The following CDH18 variants were observed in gnomAD, a reference collection of about 807,000 sequenced individuals.
CDH18 encodes the protein cadherin 18, also known as cadherin-18.
In CDH18, 31 loss-of-function variants were observed where a neutral mutation model predicts 67.9. That is an observed-to-expected ratio of 0.46 (90% confidence interval 0.34 to 0.62). The LOEUF (loss-of-function observed/expected upper bound fraction) is 0.62, where lower values mean the gene tolerates loss of function less well. Ranked by LOEUF, CDH18 falls within the 20% of genes least tolerant of loss-of-function variation. The pLI is 0.01. For missense variants in CDH18, 890 were observed against 975.5 expected (o/e 0.91, Z 1.17); for synonymous variants, 362 against 347.2 (o/e 1.04, Z -0.48).
chr5:20,156,662 A>G (rs369214516), intron 2 of CDH18, among the ~76,000 whole-genome samples: 1 of 152,094 alleles, frequency 6.6e-6, no homozygotes, highest in South Asian at 2.1e-4. Flanking sequence ...CAGAGACTTC[A>G]CCACTAAACA....
At chr5:19,577,442 T>C (rs1210982482) in intron 7 of CDH18, among the ~76,000 whole-genome samples, 1 of 152,156 alleles carries the variant, frequency 6.6e-6, no homozygotes, top group East Asian at 1.9e-4. Context: ...TCTTCCATTT[T>C]CCCCCTGTTG....
chr5:19,955,327 A>G (rs1275259279), intron 2 of CDH18, among the ~76,000 whole-genome samples: 1 of 152,134 alleles, frequency 6.6e-6, no homozygotes, highest in African/African-American at 2.4e-5. Flanking sequence ...AATAGCATCA[A>G]ATATGATGGT....
chr5:19,534,982 T>C (rs2127010040), intron 9 of CDH18, among the ~76,000 whole-genome samples: 1 of 152,224 alleles, frequency 6.6e-6, no homozygotes, highest in East Asian at 1.9e-4. Flanking sequence ...ACTTGCTAGT[T>C]ATGTAAGTGA....
At chr5:20,079,150 A>T (rs1011415584) in intron 2 of CDH18, among the ~76,000 whole-genome samples, 2 of 152,104 alleles carry the variant, frequency 1.3e-5, no homozygotes, top group South Asian at 4.1e-4. Context: ...GCAATAGAAC[A>T]CCAGAACTTA....
At chr5:20,301,454 G>A (rs1194115335) in intron 1 of CDH18, among the ~76,000 whole-genome samples, 1 of 152,140 alleles carries the variant, frequency 6.6e-6, no homozygotes, top group Non-Finnish European at 1.5e-5. Flanking sequence ...TACTGGTTGA[G>A]AACATACAGT....
At chr5:20,159,239 T>A (rs1008155740) in intron 2 of CDH18, among the ~76,000 whole-genome samples, 1 of 152,178 alleles carries the variant, frequency 6.6e-6, no homozygotes, top group African/African-American at 2.4e-5. Context: ...CACTAATGTC[T>A]AAAAAGAAAT....
intron 2 of CDH18, among the ~76,000 whole-genome samples, chr5:19,887,379 C>T (rs1788324300): frequency 6.6e-6 from 1 of 151,872 alleles, no homozygotes. Context: ...GATATATCTC[C>T]TGTGCTTTAT....
At chr5:19,496,497 G>A (rs548696256) in intron 11 of CDH18, among the ~76,000 whole-genome samples, 27 of 152,264 alleles carry the variant, frequency 1.8e-4, no homozygotes, top group Non-Finnish European at 3.1e-4. Context: ...CCAGTCCCAT[G>A]AAGGAATTAA....
At chr5:20,025,060 G>A (rs1002790661) in intron 2 of CDH18, among the ~76,000 whole-genome samples, 4 of 152,098 alleles carry the variant, frequency 2.6e-5, no homozygotes, top group Admixed American at 6.5e-5. Context: ...ATCCTTGAAC[G>A]TTCTGTTCCT....
intron 1 of CDH18, among the ~76,000 whole-genome samples, chr5:20,376,091 A>ATTTTTTTTTTTTT (rs562655039): frequency 0.079 from 3,919 of 49,536 alleles, 1,476 homozygotes; most frequent in South Asian, 0.2. Context: ...AAAAGAAACA[A>ATTTTTTTTTTTTT]TTTTTTTTTT....
chr5:19,924,290 A>AT (rs141383295), intron 2 of CDH18, among the ~76,000 whole-genome samples: 2,342 of 152,116 alleles, frequency 0.015, 56 homozygotes, highest in African/African-American at 0.051. Context: ...GCCACTCTCT[A>AT]TTTTTTTAAG....
intron 12 of CDH18, among the ~76,000 whole-genome samples, chr5:19,479,459 CTAGA>C (rs1268056760): frequency 3.3e-5 from 5 of 152,046 alleles, no homozygotes; most frequent in Non-Finnish European, 5.9e-5. Context: ...TATCCCTTGG[CTAGA>C]TACTTTCTGA....
intron 8 of CDH18, among the ~76,000 whole-genome samples, chr5:19,544,429 A>G (rs966330197): frequency 6.6e-6 from 1 of 152,178 alleles, no homozygotes. Flanking sequence ...TTGAAATTTC[A>G]TTGTAGCTAA....
At chr5:19,978,589 C>A (rs1798725297) in intron 2 of CDH18, among the ~76,000 whole-genome samples, 1 of 152,086 alleles carries the variant, frequency 6.6e-6, no homozygotes, top group Admixed American at 6.6e-5. Context: ...TGACATAAGT[C>A]TCAACTGAGC....
chr5:20,570,126 A>G lies in CDH18; in HGVS notation c.-580+5336T>C, dbSNP rs138243652. ...GATATACCTTATTATATGTTTGTCA[A>G]AATTTATATAATATACATTACAGAG... is the stretch of plus-strand genomic sequence containing the variant. On this transcript the variant is annotated intron_variant, in intron 1 of 14. Transcript: ENST00000507958. 4.4e-3 allele frequency among the ~76,000 whole-genome samples: 670 copies of G among 152,304 alleles called. 3 individuals are homozygous for G. Among genetic ancestry groups the G allele is most frequent in the African/African-American group, 0.015 (631 of 41,574 alleles).
intron 1 of CDH18, among the ~76,000 whole-genome samples, chr5:20,480,729 C>G (rs1334682428): frequency 6.6e-6 from 1 of 152,084 alleles, no homozygotes; most frequent in Non-Finnish European, 1.5e-5. Context: ...TTAGTTTTTG[C>G]TCGCTTGTAA....
At chr5:19,845,075 T>C (rs560449302) in intron 2 of CDH18, among the ~76,000 whole-genome samples, 1 of 152,304 alleles carries the variant, frequency 6.6e-6, no homozygotes, top group South Asian at 2.1e-4. Context: ...TTAATGAATA[T>C]TGTCTCTTAA....
intron 8 of CDH18, among the ~76,000 whole-genome samples, chr5:19,556,517 GA>G (rs1025364208): frequency 6.6e-6 from 1 of 150,930 alleles, no homozygotes; most frequent in East Asian, 1.9e-4. Context: ...ACAAATAGAA[GA>G]AAAAACTTTA....
intron 1 of CDH18, among the ~76,000 whole-genome samples, chr5:20,497,062 T>A (rs1195859477): frequency 1.3e-5 from 2 of 151,626 alleles, no homozygotes; most frequent in African/African-American, 4.8e-5. Context: ...TTTAGAAATT[T>A]GAAGGAAAAG....
Sources: gnomAD v4.1 joint callset for allele counts (sites outside exome capture counted in the v4.1 genomes callset) on GRCh38, gnomAD v4.1.1 for gene constraint, MANE v1.5 for transcripts, NCBI Gene and HGNC (gene_info 2026-07-23, HGNC 2026-07-21) for gene names.